Variants in SMCHD1 observed in about 807,000 individuals in gnomAD.
SMCHD1 encodes the protein structural maintenance of chromosomes flexible hinge domain containing 1, also known as structural maintenance of chromosomes flexible hinge domain-containing protein 1.
In SMCHD1, 78 loss-of-function variants were observed where a neutral mutation model predicts 254.7. The observed-to-expected ratio is 0.31, with a 90% CI of 0.26 to 0.37. The LOEUF (loss-of-function observed/expected upper bound fraction) is 0.37, where lower values mean the gene tolerates loss of function less well. Among genes scored for constraint, SMCHD1 ranks in the 10% least tolerant of loss-of-function variants. The probability of loss-of-function intolerance (pLI) is 1.00; values close to 1 mark genes in which losing one functional copy is unlikely to be tolerated. For synonymous variants in SMCHD1, 766 were observed against 794.9 expected, an observed-to-expected ratio of 0.96 and a Z score of 0.61; for missense variants, 1,840 against 2,408.1, an observed-to-expected ratio of 0.76 and a Z score of 4.94.
intron 47 of SMCHD1, chr18:2,796,885 G>C (rs192856769): frequency 5.9e-6 from 1 of 169,644 alleles, no homozygotes; most frequent in Non-Finnish European, 1.3e-5. Flanking sequence ...ATCTGACTTG[G>C]TCATCATACT....
chr18:2,714,436 A>G (rs1013113151), intron 17 of SMCHD1, among the ~76,000 whole-genome samples: 18 of 152,060 alleles, frequency 1.2e-4, no homozygotes, highest in African/African-American at 3.9e-4. Context: ...CTGTCAGTCT[A>G]TATCTTTTAG....
chr18:2,755,271 T>C (rs1393061618), intron 34 of SMCHD1, among the ~76,000 whole-genome samples: 1 of 152,032 alleles, frequency 6.6e-6, no homozygotes, highest in African/African-American at 2.4e-5. Context: ...TCTGGGCTTG[T>C]CTTAAACTCT....
intron 37 of SMCHD1, among the ~76,000 whole-genome samples, chr18:2,766,193 C>T (rs932194737): frequency 1.3e-5 from 2 of 152,148 alleles, no homozygotes; most frequent in African/African-American, 2.4e-5. Context: ...CGGGGTTTCA[C>T]CGTGTTTGCC....
At position 2,751,405 on chromosome 18, in the gene SMCHD1, G is replaced by A; in HGVS notation, c.4281+12G>A. 6.7e-7 allele frequency: 1 copy of A among 1,485,030 alleles called. No homozygotes were observed. 92.0% of individuals were successfully genotyped at this position (1,485,030 alleles called of 1,614,324 possible). A position where few individuals can be genotyped will look rare whatever the true frequency, so the allele number is the denominator to read the frequency against. ...GACCCCCAGCAAATGTGAGTCATGG[G>A]AAGCATTTTTTGAAGTTAAAAATAG... On this transcript the variant is annotated intron_variant, in intron 33 of 47. Coordinates refer to ENST00000320876, the MANE Select transcript of SMCHD1 (RefSeq NM_015295.3).
chr18:2,697,767 A>G (rs923662906), intron 9 of SMCHD1, 64 bp from the exon 10 acceptor site: 11 of 1,062,360 alleles, frequency 1.0e-5, no homozygotes, highest in African/African-American at 1.6e-5. Flanking sequence ...TTGTTGAATC[A>G]TAGCTGAGAA....
rs866470006 is a variant in SMCHD1, at chr18:2,688,661, C to A, written c.787C>A (p.His263Asn). ...CAAACCTGCAGATTCCCAAGATGTT[C>A]ACGAGCTTGTGCTTTCTAAAGAAGA... ...ISKPADSQDV[H>N]ELVLSKEDFE... is the part of the protein sequence containing the mutation. Residue 263 changes from histidine (H) to asparagine (N), a missense_variant, in exon 7 of 48, where the codon CAC becomes AAC. This residue lies in a region of SMCHD1 where 498 missense variants were observed against 743.5 expected (regional missense o/e 0.67). Coordinates refer to ENST00000320876, the MANE Select transcript of SMCHD1 (RefSeq NM_015295.3). 1.3e-6 allele frequency: 2 copies of A among 1,562,488 alleles called. No individual in the cohort carries two copies. Among genetic ancestry groups the A allele is most frequent in the South Asian group, 2.3e-5 (2 of 85,236 alleles).
chr18:2,699,559 C>CA (rs1213433255), intron 10 of SMCHD1, among the ~76,000 whole-genome samples: 10 of 152,168 alleles, frequency 6.6e-5, no homozygotes. Flanking sequence ...AGGGTAGTCT[C>CA]AAACTTCTGA....
intron 7 of SMCHD1, among the ~76,000 whole-genome samples, chr18:2,693,784 ACCACG>A (rs1433802453): frequency 6.6e-6 from 1 of 152,040 alleles, no homozygotes; most frequent in East Asian, 1.9e-4. Flanking sequence ...GGCGTGTACC[ACCACG>A]CCTGGCTACT....
At chr18:2,668,117 T>A (rs983147563) in intron 3 of SMCHD1, among the ~76,000 whole-genome samples, 1 of 152,108 alleles carries the variant, frequency 6.6e-6, no homozygotes, top group Non-Finnish European at 1.5e-5. Context: ...TGACCTCAAG[T>A]GATCCTCCCG....
chr18:2,730,644 A>G (rs2075121075), intron 24 of SMCHD1, among the ~76,000 whole-genome samples: 1 of 152,204 alleles, frequency 6.6e-6, no homozygotes, highest in Non-Finnish European at 1.5e-5. Context: ...ACAGATACTT[A>G]AGTAAAATAC....
chr18:2,721,418 T>G (rs1440663790), intron 19 of SMCHD1, among the ~76,000 whole-genome samples: 1 of 152,122 alleles, frequency 6.6e-6, no homozygotes, highest in African/African-American at 2.4e-5. Flanking sequence ...TTTTTATACA[T>G]AAATCTACTG....
At chr18:2,752,606 C>A in intron 34 of SMCHD1, 54 bp downstream of exon 34, 1 of 1,202,568 alleles carries the variant, frequency 8.3e-7, no homozygotes, top group South Asian at 1.3e-5. Flanking sequence ...CAAAGTAATT[C>A]AACCCTGGAG....
chr18:2,761,409 C>G (rs2075781369), intron 35 of SMCHD1, among the ~76,000 whole-genome samples: 1 of 152,136 alleles, frequency 6.6e-6, no homozygotes, highest in Admixed American at 6.5e-5. Context: ...CCCCCTGAAT[C>G]TAAGATAATT....
At chr18:2,662,165 CAA>C (rs748303423) in intron 1 of SMCHD1, among the ~76,000 whole-genome samples, 74 of 58,306 alleles carry the variant, frequency 1.3e-3, no homozygotes, top group African/African-American at 4.5e-3. Context: ...GACTCCGTCT[CAA>C]AAAAAAAAAA....
chr18:2,785,513 GT>G (rs1203594983), intron 45 of SMCHD1, among the ~76,000 whole-genome samples: 2 of 151,730 alleles, frequency 1.3e-5, no homozygotes, highest in Admixed American at 1.3e-4. Context: ...TTAGCTGGGC[GT>G]GGTGACACGC....
In SMCHD1 at chr18:2,728,484, C is replaced by G; in HGVS notation, c.2801C>G (p.Pro934Arg). Residue 934 changes from proline (P) to arginine (R), a missense_variant, in exon 23 of 48, where the codon CCT (proline) becomes CGT (arginine). Around this residue, in one of 9 missense-constraint regions of SMCHD1, gnomAD observed 881 missense variants for 1,009.5 expected, o/e 0.87. Coordinates refer to ENST00000320876, the MANE Select transcript of SMCHD1 (RefSeq NM_015295.3). The part of the protein sequence containing the change: ...PGHPRRLKVK[P>R]DSEILVIENG... ...CACCCTCGTCGACTGAAAGTGAAAC[C>G]TGATTCTGAAATTTTAGTTATAGAA... 1 of 1,612,826 alleles carries G rather than the reference C, an allele frequency of 6.2e-7. No individual in the cohort carries two copies. The highest frequency in any genetic ancestry group is 8.5e-7 in the Non-Finnish European group (1 of 1,179,384).
In SMCHD1 at chr18:2,796,451, C is replaced by T. The variant is rs886042874; in HGVS notation, c.5923C>T (p.Pro1975Ser). The change falls in exon 47 of 48, where the codon CCA (proline) becomes TCA (serine). Residue 1975 changes from proline to serine, a missense_variant. This residue lies in a region of SMCHD1 where 132 missense variants were observed against 138.2 expected (regional missense o/e 0.95). Coordinates refer to ENST00000320876, the MANE Select transcript of SMCHD1 (RefSeq NM_015295.3). The stretch of plus-strand genomic sequence containing the variant: ...GTGTAATGACTCATTGCGTCATTCA[C>T]CAAAGGTTGAGACGACAGATTGTCC... ...RKCNDSLRHS[P>S]KVETTDCPVP... The T allele has an allele frequency of 1.2e-6, 2 of 1,605,992 alleles. No homozygotes were observed. The highest frequency in any genetic ancestry group is 1.7e-6 in the Non-Finnish European group (2 of 1,176,186).
chr18:2,765,666 C>A (rs2075853835), intron 37 of SMCHD1, among the ~76,000 whole-genome samples: 1 of 152,140 alleles, frequency 6.6e-6, no homozygotes, highest in South Asian at 2.1e-4. Flanking sequence ...GTATGTGCAC[C>A]CTGAACAGTG....
intron 5 of SMCHD1, among the ~76,000 whole-genome samples, chr18:2,680,916 C>A (rs1178802528): frequency 6.6e-6 from 1 of 152,108 alleles, no homozygotes; most frequent in Admixed American, 6.5e-5. Flanking sequence ...AGTGTTCACT[C>A]GTTTACTGAT....
Sources: gnomAD v4.1 joint callset for allele counts (sites outside exome capture counted in the v4.1 genomes callset) on GRCh38, gnomAD v4.1.1 for gene constraint, gnomAD v4.1.1 regional missense constraint, MANE v1.5 for transcripts, NCBI Gene and HGNC (gene_info 2026-07-23, HGNC 2026-07-21) for gene names.